The following PRKN variants were observed in gnomAD, a reference collection of about 807,000 sequenced individuals.
PRKN encodes parkin RBR E3 ubiquitin protein ligase, also known as E3 ubiquitin-protein ligase parkin.
A neutral mutation model predicts 59.5 loss-of-function variants in PRKN; 56 were observed. The ratio of observed to expected loss-of-function variants is 0.94; its 90% CI spans 0.76 to 1.18. The LOEUF is 1.18. Ranked by LOEUF, PRKN falls within the 50% of genes most tolerant of loss-of-function variation. The pLI is 0.00. For missense variants in PRKN, 657 were observed against 596.4 expected, an observed-to-expected ratio of 1.10 and a Z score of -1.06; for synonymous variants, 250 against 222.1, an observed-to-expected ratio of 1.13 and a Z score of -1.12.
At chr6:161,465,704 T>A (rs1331858094) in intron 9 of PRKN, among the ~76,000 whole-genome samples, 1 of 152,184 alleles carries the variant, frequency 6.6e-6, no homozygotes, top group Non-Finnish European at 1.5e-5. Flanking sequence ...GTTTTCTTTG[T>A]ACCGCTACTG....
chr6:161,657,462 C>T (rs1015415624), intron 7 of PRKN, among the ~76,000 whole-genome samples: 12 of 152,288 alleles, frequency 7.9e-5, no homozygotes, highest in Middle Eastern at 3.4e-3. Flanking sequence ...GTGTGAGTGG[C>T]CTCTCCACCC....
intron 3 of PRKN, among the ~76,000 whole-genome samples, chr6:162,220,020 A>G (rs1347592781): frequency 2.0e-5 from 3 of 152,146 alleles, no homozygotes; most frequent in Non-Finnish European, 4.4e-5. Flanking sequence ...GCAATGGGGA[A>G]AAGACTCCCT....
intron 2 of PRKN, among the ~76,000 whole-genome samples, chr6:162,382,944 C>T (rs907394768): frequency 3.3e-4 from 50 of 152,134 alleles, no homozygotes; most frequent in African/African-American, 1.1e-3. Context: ...TTTGTTCATC[C>T]GTAAGAAGCA....
chr6:161,847,930 C>T (rs1793267331), intron 6 of PRKN, among the ~76,000 whole-genome samples: 1 of 152,170 alleles, frequency 6.6e-6, no homozygotes, highest in Admixed American at 6.5e-5. Context: ...AAGGCTGGTG[C>T]TCTGCACACA....
chr6:162,546,744 C>T (rs1046479794), intron 1 of PRKN, among the ~76,000 whole-genome samples: 6 of 152,056 alleles, frequency 3.9e-5, no homozygotes, highest in African/African-American at 1.4e-4. Context: ...GCGCCTGGCC[C>T]AACACACACT....
At chr6:162,608,300 C>G (rs1011267736) in intron 1 of PRKN, among the ~76,000 whole-genome samples, 1 of 152,152 alleles carries the variant, frequency 6.6e-6, no homozygotes, top group Admixed American at 6.5e-5. Context: ...GGGTTGAAAG[C>G]GTAAGCTGGA....
At chr6:162,383,258 T>C (rs1362824195) in intron 2 of PRKN, among the ~76,000 whole-genome samples, 5 of 152,240 alleles carry the variant, frequency 3.3e-5, no homozygotes, top group Admixed American at 2.0e-4. Context: ...ATGGCAGTTA[T>C]AGCCTAATGA....
chr6:161,694,469 A>G (rs1785932782), intron 7 of PRKN, among the ~76,000 whole-genome samples: 1 of 152,148 alleles, frequency 6.6e-6, no homozygotes, highest in Non-Finnish European at 1.5e-5. Flanking sequence ...TATAACTGCT[A>G]TGAAATAACC....
intron 4 of PRKN, among the ~76,000 whole-genome samples, chr6:162,079,319 C>T (rs1778964056): frequency 6.6e-6 from 1 of 152,102 alleles, no homozygotes; most frequent in Non-Finnish European, 1.5e-5. Context: ...ACTCCGTTGC[C>T]CAACTCAAAA....
rs1219184077 is a variant in PRKN at position 161,362,750 on chromosome 6, C to T, written c.1168-2545G>A. Among the ~76,000 whole-genome samples the T allele has an allele frequency of 6.6e-6, 1 of 152,196 alleles. No individual in the cohort carries two copies. Reference sequence around the variant, plus strand: ...TGGAACCAGGCGGAAGCAAAAATATCTTTTGTGGAGCACAGCACTTTAAAA... The same window carrying T: ...TGGAACCAGGCGGAAGCAAAAATATTTTTTGTGGAGCACAGCACTTTAAAA... On this transcript the variant is annotated intron_variant, in intron 10 of 11. Coordinates refer to ENST00000366898, the MANE Select transcript of PRKN (RefSeq NM_004562.3). The surrounding 1 kb of genome is among the most constrained non-coding windows in gnomAD (Gnocchi z 5.2).
intron 6 of PRKN, among the ~76,000 whole-genome samples, chr6:161,908,209 C>T (rs562197287): frequency 1.3e-5 from 2 of 152,240 alleles, no homozygotes; most frequent in East Asian, 3.9e-4. Context: ...AGCTCGGAAC[C>T]GTCAATGACC....
At chr6:161,848,603 T>C (rs1793297911) in intron 6 of PRKN, among the ~76,000 whole-genome samples, 1 of 152,236 alleles carries the variant, frequency 6.6e-6, no homozygotes, top group Non-Finnish European at 1.5e-5. Context: ...GTCTTACATC[T>C]AATGCGTGAG....
intron 6 of PRKN, among the ~76,000 whole-genome samples, chr6:161,803,963 G>A (rs904310713): frequency 1.3e-5 from 2 of 152,202 alleles, no homozygotes; most frequent in African/African-American, 2.4e-5. Flanking sequence ...CGGTGTTGCC[G>A]ATGTGTAGAG....
intron 10 of PRKN, among the ~76,000 whole-genome samples, chr6:161,370,519 G>C (rs1265378975): frequency 2.0e-5 from 3 of 147,612 alleles, no homozygotes; most frequent in Non-Finnish European, 4.4e-5. Flanking sequence ...GTGAACCTGG[G>C]AGGCAGAGCT....
intron 2 of PRKN, among the ~76,000 whole-genome samples, chr6:162,294,769 C>CAATACAATACA: frequency 6.6e-6 from 1 of 151,714 alleles, no homozygotes; most frequent in Admixed American, 6.6e-5. Context: ...ACAATAAAAA[C>CAATACAATACA]ATAAAAGAAA....
At position 161,429,843 on chromosome 6, in the gene PRKN, G is replaced by A. The variant is rs1276987169; in HGVS notation, c.1084-42966C>T. ...AAGAGAAGACTTCATTTTAATTCTT[G>A]TCAGGAACTGTGAAGGATCCAAGAT... is the stretch of plus-strand genomic sequence containing the variant. On this transcript the variant is annotated intron_variant, in intron 9 of 11. Coordinates refer to ENST00000366898, the MANE Select transcript of PRKN (RefSeq NM_004562.3). This position sits in a 1 kb window ranked among gnomAD's most constrained non-coding sequence, Gnocchi z 4.2. 1.3e-5 allele frequency among the ~76,000 whole-genome samples: 2 copies of A among 152,148 alleles called. No homozygotes were observed.
At chr6:162,116,579 T>A (rs1583056213) in intron 4 of PRKN, among the ~76,000 whole-genome samples, 2 of 152,196 alleles carry the variant, frequency 1.3e-5, no homozygotes, top group East Asian at 3.8e-4. Flanking sequence ...GTACATTAGA[T>A]CCTGTATACG....
intron 7 of PRKN, among the ~76,000 whole-genome samples, chr6:161,678,921 G>GA (rs1785194491): frequency 6.6e-6 from 1 of 152,110 alleles, no homozygotes; most frequent in South Asian, 2.1e-4. Flanking sequence ...AACAAATAAA[G>GA]AAAAAACACA....
intron 7 of PRKN, among the ~76,000 whole-genome samples, chr6:161,713,308 CTTG>C (rs1485006716): frequency 6.6e-6 from 1 of 152,132 alleles, no homozygotes; most frequent in Non-Finnish European, 1.5e-5. Flanking sequence ...CTCATCAAAT[CTTG>C]TTGTTCAAGA....
Sources: gnomAD v4.1 joint callset for allele counts (sites outside exome capture counted in the v4.1 genomes callset) on GRCh38, gnomAD v4.1.1 for gene constraint, Gnocchi (gnomAD v3.1) non-coding constraint, MANE v1.5 for transcripts, NCBI Gene and HGNC (gene_info 2026-07-23, HGNC 2026-07-21) for gene names.